SLC39A11: variants seen among roughly 807,000 people sequenced by gnomAD.
SLC39A11 encodes zinc transporter ZIP11.
A neutral mutation model predicts 36.1 loss-of-function variants in SLC39A11; 33 were observed. The ratio of observed to expected loss-of-function variants is 0.91; its 90% CI spans 0.69 to 1.22. SLC39A11 has a LOEUF of 1.22. SLC39A11 is among the 50% of genes most tolerant of loss of function. The pLI, the probability that SLC39A11 is intolerant of heterozygous loss-of-function variation, is 0.00. For missense variants in SLC39A11, 432 were observed against 430.3 expected, an observed-to-expected ratio of 1.00 and a Z score of -0.03; for synonymous variants, 166 against 170.3, an observed-to-expected ratio of 0.97 and a Z score of 0.20.
chr17:72,919,934 C>T (rs2083557120), intron 5 of SLC39A11, among the ~76,000 whole-genome samples: 1 of 152,142 alleles, frequency 6.6e-6, no homozygotes, highest in South Asian at 2.1e-4. Context: ...CTTCGAATGC[C>T]TTTATTACTG....
chr17:72,699,012 G>A (rs568023208), intron 7 of SLC39A11, among the ~76,000 whole-genome samples: 45 of 152,088 alleles, frequency 3.0e-4, no homozygotes, highest in Middle Eastern at 3.4e-3. Flanking sequence ...TGTATTTTTA[G>A]TAGAGACGGG....
At chr17:72,972,629 C>A (rs1208015396) in intron 4 of SLC39A11, among the ~76,000 whole-genome samples, 1 of 152,024 alleles carries the variant, frequency 6.6e-6, no homozygotes, top group Non-Finnish European at 1.5e-5. Flanking sequence ...GAGAAGCTTA[C>A]AAAGAAAAGG....
At chr17:73,004,239 A>C (rs2148432132) in intron 4 of SLC39A11, among the ~76,000 whole-genome samples, 1 of 150,962 alleles carries the variant, frequency 6.6e-6, no homozygotes, top group East Asian at 2.0e-4. Flanking sequence ...AAGAAAAGAA[A>C]GAAAGAGAAA....
chr17:72,744,608 G>A lies in SLC39A11; in HGVS notation c.602-7889C>T, dbSNP rs192737862. The stretch of plus-strand genomic sequence containing the variant: ...CAGTTCTGGAGGCTGAGAAGTCTGA[G>A]ATCAAGGTGGCCGCAGATTTGGTGT... On this transcript the variant is annotated intron_variant, in intron 6 of 9. Transcript: ENST00000255559. 2.0e-5 allele frequency among the ~76,000 whole-genome samples: 3 copies of A among 152,194 alleles called. No individual in the cohort carries two copies. The East Asian group carries it at 5.8e-4, about 29-fold the overall frequency.
At chr17:72,984,368 C>T (rs1242269370) in intron 4 of SLC39A11, among the ~76,000 whole-genome samples, 1 of 121,364 alleles carries the variant, frequency 8.2e-6, no homozygotes, top group East Asian at 2.4e-4. Context: ...TTTATTGGAA[C>T]TCAGACATTT....
At chr17:72,784,736 C>A (rs1452178154) in intron 6 of SLC39A11, among the ~76,000 whole-genome samples, 3 of 152,188 alleles carry the variant, frequency 2.0e-5, no homozygotes, top group Middle Eastern at 3.4e-3. Flanking sequence ...TGCCTGCTCC[C>A]CCTTCACCTT....
chr17:72,700,812 C>T (rs933805614), intron 7 of SLC39A11, among the ~76,000 whole-genome samples: 3 of 152,214 alleles, frequency 2.0e-5, no homozygotes, highest in African/African-American at 7.2e-5. Flanking sequence ...CCAAGCGAAA[C>T]GGGTTTCCCC....
intron 3 of SLC39A11, among the ~76,000 whole-genome samples, chr17:73,066,686 C>T (rs1435768558): frequency 6.6e-6 from 1 of 152,142 alleles, no homozygotes; most frequent in Non-Finnish European, 1.5e-5. Context: ...CCAGGAGTAA[C>T]TGGCCTGTCA....
At chr17:72,821,774 C>T (rs1460393658) in intron 6 of SLC39A11, 1 of 151,376 alleles carries the variant, frequency 6.6e-6, no homozygotes, top group Admixed American at 6.6e-5. Flanking sequence ...GACTCCGAGG[C>T]CAGGCCTCAC....
At chr17:72,953,015 C>T (rs1270817922) in intron 4 of SLC39A11, among the ~76,000 whole-genome samples, 1 of 152,156 alleles carries the variant, frequency 6.6e-6, no homozygotes, top group Non-Finnish European at 1.5e-5. Flanking sequence ...GTCACCCCCT[C>T]TCCTTCTCCA....
chr17:72,754,660 G>A (rs1039802268), intron 6 of SLC39A11, among the ~76,000 whole-genome samples: 21 of 152,130 alleles, frequency 1.4e-4, no homozygotes, highest in Non-Finnish European at 2.8e-4. Context: ...AACACCAGGG[G>A]TGCCGGGCCG....
chr17:72,942,736 G>A (rs1205825952), intron 5 of SLC39A11, among the ~76,000 whole-genome samples: 2 of 152,162 alleles, frequency 1.3e-5, no homozygotes, highest in Non-Finnish European at 2.9e-5. Context: ...AGGAAACTTG[G>A]GAGTGGAATG....
intron 6 of SLC39A11, among the ~76,000 whole-genome samples, chr17:72,815,412 G>A (rs1452211144): frequency 6.6e-6 from 1 of 152,134 alleles, no homozygotes; most frequent in Non-Finnish European, 1.5e-5. Context: ...GAGGTCAGGA[G>A]TTAGAGACCG....
At chr17:73,021,728 G>C (rs575006957) in intron 4 of SLC39A11, among the ~76,000 whole-genome samples, 6 of 152,258 alleles carry the variant, frequency 3.9e-5, no homozygotes, top group Admixed American at 3.9e-4. Flanking sequence ...TAAACATGTG[G>C]CTGAGCTCAA....
At chr17:72,761,417 G>C (rs2075573985) in intron 6 of SLC39A11, among the ~76,000 whole-genome samples, 2 of 152,130 alleles carry the variant, frequency 1.3e-5, no homozygotes, top group Admixed American at 1.3e-4. Flanking sequence ...CCCAGCCCAG[G>C]CCTCCCAATT....
At chr17:72,787,645 A>C (rs1223872000) in intron 6 of SLC39A11, among the ~76,000 whole-genome samples, 1 of 152,130 alleles carries the variant, frequency 6.6e-6, no homozygotes, top group Non-Finnish European at 1.5e-5. Context: ...CTTTCTAACT[A>C]TTCAGTCTAT....
At chr17:72,817,125 C>T (rs926108251) in intron 6 of SLC39A11, among the ~76,000 whole-genome samples, 1 of 151,934 alleles carries the variant, frequency 6.6e-6, no homozygotes, top group African/African-American at 2.4e-5. Context: ...GGCTGAGTAA[C>T]TTATAAAGAA....
intron 5 of SLC39A11, among the ~76,000 whole-genome samples, chr17:72,915,877 GCTTTC>G (rs2083300714): frequency 6.6e-6 from 1 of 152,120 alleles, no homozygotes; most frequent in Non-Finnish European, 1.5e-5. Flanking sequence ...GGGAACCTTC[GCTTTC>G]TTTTCATGTA....
At position 73,029,177 on chromosome 17, in the gene SLC39A11, G is replaced by A. The variant is rs566580792; in HGVS notation, c.306+2379C>T. Among the ~76,000 whole-genome samples the A allele has an allele frequency of 7.3e-5, 11 of 150,878 alleles. No individual in the cohort carries two copies. The East Asian group carries it at 7.8e-4, about 11-fold the overall frequency. The stretch of plus-strand genomic sequence containing the variant: ...AAATTAGCCAATGACTGTTTACACC[G>A]CCCAGAGAAAATCCCTACATTCAGA... On this transcript the variant is annotated intron_variant, in intron 4 of 9. Transcript: ENST00000255559.
Sources: allele counts gnomAD v4.1 joint callset (sites outside exome capture counted in the v4.1 genomes callset), GRCh38; gene constraint gnomAD v4.1.1; transcripts MANE v1.5; gene names NCBI Gene and HGNC (gene_info 2026-07-23, HGNC 2026-07-21).